Variants in SYNPO observed in about 807,000 individuals in gnomAD.
The protein encoded by SYNPO is synaptopodin.
Under a neutral mutation model 49.5 loss-of-function variants are expected in SYNPO, and 19 were observed. The ratio of observed to expected loss-of-function variants is 0.38; its 90% CI spans 0.27 to 0.56. SYNPO has a LOEUF of 0.56. Ranked by LOEUF, SYNPO falls within the 20% of genes least tolerant of loss-of-function variation. The pLI, the probability that SYNPO is intolerant of heterozygous loss-of-function variation, is 0.68. For synonymous variants in SYNPO, 536 were observed against 548.0 expected (o/e 0.98, Z 0.31); for missense variants, 1,131 against 1,248.3 (o/e 0.91, Z 1.42).
intron 1 of SYNPO, among the ~76,000 whole-genome samples, chr5:150,604,679 T>C (rs561487652): frequency 6.6e-6 from 1 of 152,316 alleles, no homozygotes; most frequent in Non-Finnish European, 1.5e-5. Flanking sequence ...GGCGACTGCG[T>C]CTCAACTCCA....
chr5:150,647,200 G>A (rs1204391822), intron 1 of SYNPO, among the ~76,000 whole-genome samples: 1 of 150,978 alleles, frequency 6.6e-6, no homozygotes, highest in Non-Finnish European at 1.5e-5. Context: ...CCGAGATTGC[G>A]CCGCTGCGCT....
chr5:150,591,461 G>A, the SYNPO span, among the ~76,000 whole-genome samples: 2 of 152,238 alleles, frequency 1.3e-5, no homozygotes, highest in African/African-American at 4.8e-5. Context: ...GGACGGGGCA[G>A]GGGAGGAAGG....
At chr5:150,593,471 AT>A in the SYNPO span, among the ~76,000 whole-genome samples, 1 of 151,524 alleles carries the variant, frequency 6.6e-6, no homozygotes, top group African/African-American at 2.4e-5. Flanking sequence ...ATTTCTTTTT[AT>A]TTTTTTTGAG....
chr5:150,636,376 T>C (rs1757715694), upstream of SYNPO, among the ~76,000 whole-genome samples: 1 of 152,194 alleles, frequency 6.6e-6, no homozygotes, highest in African/African-American at 2.4e-5. Flanking sequence ...TTGCTTCCAT[T>C]AGTGGTGGGG....
rs1561639707 is a variant in SYNPO at position 150,620,902 on chromosome 5, TTTCTTTC to T, written c.400+2138_400+2144del. 9.0e-3 allele frequency among the ~76,000 whole-genome samples: 944 copies of T among 104,612 alleles called. 18 individuals carry two copies. The highest frequency in any genetic ancestry group is 0.047 in the East Asian group (184 of 3,904). 68.6% of individuals were successfully genotyped at this position (104,612 alleles called of 152,430 possible). A position where few individuals can be genotyped will look rare whatever the true frequency, so the allele number is the denominator to read the frequency against. On this transcript the variant is annotated intron_variant, in intron 2 of 2. Transcript: ENST00000394243. ...CTTTTTCTTTTTTTCTTTTTTTCTC[TTTCTTTC>T]TTTCTTTCTTTCTTTCTTTCTTTCT...
At chr5:150,654,732 A>C (rs192696349) in intron 2 of SYNPO, among the ~76,000 whole-genome samples, 1 of 152,336 alleles carries the variant, frequency 6.6e-6, no homozygotes, top group Non-Finnish European at 1.5e-5. Flanking sequence ...TGTCAGGGGC[A>C]TCTTCCTCCC....
intron 2 of SYNPO, chr5:150,651,000 GC>G (rs1758360133): frequency 1.6e-6 from 2 of 1,238,314 alleles, no homozygotes; most frequent in Non-Finnish European, 2.0e-6. Context: ...TTTTCTTCCT[GC>G]CCCCTCTGAG....
Position 150,657,499 on chromosome 5 carries a change from C to T in SYNPO, c.*412C>T. The T allele has an allele frequency of 5.2e-6, 1 of 191,984 alleles. No homozygotes were observed. Among genetic ancestry groups the T allele is most frequent in the South Asian group, 9.9e-5 (1 of 10,054 alleles). The allele number at this position is 191,984 out of a possible 1,614,324, so 11.9% of individuals were successfully genotyped here. A position where few individuals can be genotyped will look rare whatever the true frequency, so the allele number is the denominator to read the frequency against. ...ACACTAGTTAGTGCCTTGGATGAGG[C>T]GGGGCAGTGTGTATATGGACCCCTG... On this transcript the variant is annotated 3_prime_UTR_variant, in exon 3 of 3. Transcript: ENST00000307662.
rs1365700017 is a variant in SYNPO, at chr5:150,650,165, C to G, written c.1890C>G (p.Asp630Glu). The change falls in exon 2 of 3, where the codon GAC becomes GAG. Residue 630 changes from aspartate (D) to glutamate (E), a missense_variant. By Grantham distance (45) the Asp-to-Glu change is conservative. Transcript: ENST00000307662. ...GCCTCTACACCTCCCCCGGCCAGGA[C>G]AGCCTGCAGCCCACTGCCGTGAGCC... ...SPGLYTSPGQDSLQPTAVSPP... is the reference protein window; with the variant it reads ...SPGLYTSPGQESLQPTAVSPP... 1.9e-6 allele frequency: 3 copies of G among 1,613,950 alleles called. No homozygotes were observed. Among genetic ancestry groups the G allele is most frequent in the East Asian group, 2.2e-5 (1 of 44,868 alleles).
chr5:150,618,896 C>A, intron 2 of SYNPO: 1 of 1,196,260 alleles, frequency 8.4e-7, no homozygotes, highest in South Asian at 1.5e-5. Context: ...TGGGCATGCC[C>A]AGATTAACAG....
chr5:150,636,729 G>A (rs954727404), upstream of SYNPO, among the ~76,000 whole-genome samples: 1 of 151,896 alleles, frequency 6.6e-6, no homozygotes, highest in Non-Finnish European at 1.5e-5. Context: ...TCCTCTGAGG[G>A]GGCCTGGGGT....
the SYNPO span, among the ~76,000 whole-genome samples, chr5:150,586,450 C>A: frequency 1.3e-5 from 2 of 152,142 alleles, no homozygotes; most frequent in African/African-American, 4.8e-5. Context: ...AACCCCCAAC[C>A]CCCACTATAA....
chr5:150,593,109 T>G, the SYNPO span, among the ~76,000 whole-genome samples: 2 of 152,256 alleles, frequency 1.3e-5, no homozygotes, highest in East Asian at 3.8e-4. Context: ...ATAGACATAC[T>G]TCTTTGAATT....
chr5:150,586,911 T>C, the SYNPO span, among the ~76,000 whole-genome samples: 1 of 152,026 alleles, frequency 6.6e-6, no homozygotes, highest in African/African-American at 2.4e-5. Context: ...TGGATAGTTA[T>C]ATGGAAGCAC....
chr5:150,601,151 C>A (rs113431722), exon 1 of SYNPO: 6,087 of 152,612 alleles, frequency 0.04, 189 homozygotes, highest in Non-Finnish European at 0.057. Context: ...CCGGGCACAG[C>A]CAGTTGCTGT....
In SYNPO at chr5:150,657,038, T is replaced by A; in HGVS notation, c.2663T>A (p.Leu888His). 6.2e-7 allele frequency: 1 copy of A among 1,600,880 alleles called. No individual in the cohort carries two copies. Among genetic ancestry groups the A allele is most frequent in the Non-Finnish European group, 8.5e-7 (1 of 1,175,228 alleles). ...TGTCCCCGCGGGTGGAATGGCAGCC[T>A]TCGGCTCAAGCGTGGCAGCCTCCCC... is the stretch of plus-strand genomic sequence containing the variant. ...NICPRGWNGS[L>H]RLKRGSLPAE... is the part of the protein sequence containing the mutation. The change falls in exon 3 of 3, where the codon CTT becomes CAT. Residue 888 changes from leucine (L) to histidine (H), a missense_variant. Leu to His is a moderately conservative substitution (Grantham distance 99, BLOSUM62 -3). This residue lies in a region of SYNPO where 509 missense variants were observed against 484.5 expected (regional missense o/e 1.05). Transcript: ENST00000307662.
chr5:150,587,705 AGG>A, the SYNPO span, among the ~76,000 whole-genome samples: 1 of 152,344 alleles, frequency 6.6e-6, no homozygotes, highest in South Asian at 2.1e-4. Context: ...ATGAGCAGAT[AGG>A]CTCTGAGAAG....
chr5:150,623,693 G>A (rs572996493), intron 2 of SYNPO, among the ~76,000 whole-genome samples: 2 of 152,346 alleles, frequency 1.3e-5, no homozygotes, highest in South Asian at 2.1e-4. Flanking sequence ...CCAAACCCAG[G>A]CCACCTGCAG....
intron 2 of SYNPO, among the ~76,000 whole-genome samples, chr5:150,635,178 G>A (rs1161253035): frequency 2.6e-5 from 4 of 152,260 alleles, no homozygotes; most frequent in Admixed American, 6.5e-5. Context: ...CACGAGTCCC[G>A]TGTACCTGCG....
Sources: allele counts gnomAD v4.1 joint callset (sites outside exome capture counted in the v4.1 genomes callset), GRCh38; gene constraint gnomAD v4.1.1; regional missense constraint gnomAD v4.1.1; transcripts MANE v1.5; gene names NCBI Gene and HGNC (gene_info 2026-07-23, HGNC 2026-07-21).